DOT1L: variants seen among roughly 807,000 people sequenced by gnomAD.
DOT1L encodes histone-lysine N-methyltransferase, H3 lysine-79 specific.
DOT1L carries 33 observed loss-of-function variants against 153.3 expected under a neutral mutation model. The ratio of observed to expected loss-of-function variants is 0.22; its 90% confidence interval spans 0.16 to 0.29. DOT1L has a LOEUF of 0.29. Ranked by LOEUF, DOT1L falls within the 10% of genes least tolerant of loss-of-function variation. The pLI is 1.00. For missense variants in DOT1L, 1,847 were observed against 2,119.9 expected, an observed-to-expected ratio of 0.87 and a Z score of 2.53; for synonymous variants, 1,135 against 965.1, an observed-to-expected ratio of 1.18 and a Z score of -3.26.
intron 1 of DOT1L, among the ~76,000 whole-genome samples, chr19:2,166,207 C>T (rs1044904967): frequency 1.3e-5 from 2 of 152,038 alleles, no homozygotes; most frequent in African/African-American, 4.8e-5. Flanking sequence ...AGCGATTCTC[C>T]TGCCTCGGCC....
intron 8 of DOT1L, among the ~76,000 whole-genome samples, chr19:2,200,478 G>A (rs2023208177): frequency 1.3e-5 from 2 of 152,184 alleles, no homozygotes; most frequent in African/African-American, 4.8e-5. Context: ...TGGTGGCCAC[G>A]GGCTCTGTAT....
chr19:2,190,935 A>G lies in DOT1L; in HGVS notation c.265-77A>G. The G allele has an allele frequency of 7.3e-7, 1 of 1,376,694 alleles. No individual in the cohort carries two copies. The highest frequency in any genetic ancestry group is 1.3e-5 in the South Asian group (1 of 78,824). The allele number at this position is 1,376,694 out of a possible 1,614,324, so 85.3% of individuals were successfully genotyped here. On this transcript the variant is annotated intron_variant, in intron 4 of 27. Transcript: ENST00000398665. The surrounding 1 kb of genome is among the most constrained non-coding windows in gnomAD (Gnocchi z 4.8). The stretch of plus-strand genomic sequence containing the variant: ...AGCCGACTCCCTGCTTCCGCTGGGA[A>G]AGGTCCCGGGTCTTGGTGGTGGAGG...
intron 8 of DOT1L, 30 bp from the exon 9 acceptor site, chr19:2,202,670 A>G (rs758645330): frequency 1.9e-6 from 3 of 1,608,280 alleles, no homozygotes; most frequent in African/African-American, 2.7e-5. Flanking sequence ...ACGAGCCTTC[A>G]TGGCACTGAA....
chr19:2,186,063 G>A (rs893844576), intron 3 of DOT1L, 134 bp downstream of exon 3: 21 of 828,738 alleles, frequency 2.5e-5, no homozygotes, highest in African/African-American at 6.8e-5. Context: ...AGAGTTGGCC[G>A]TGGCCACCAT....
chr19:2,164,163 T>G lies in DOT1L; in HGVS notation c.-22T>G, dbSNP rs2144619753. 1 of 1,118,992 alleles carries G rather than the reference T, an allele frequency of 8.9e-7. No individual in the cohort carries two copies. Among genetic ancestry groups the G allele is most frequent in the Non-Finnish European group, 1.1e-6 (1 of 916,814 alleles). The allele number at this position is 1,118,992 out of a possible 1,614,324, so 69.3% of individuals were successfully genotyped here. On this transcript the variant is annotated 5_prime_UTR_variant, in exon 1 of 28. Coordinates refer to ENST00000398665, the MANE Select transcript of DOT1L (RefSeq NM_032482.3). ...TCCCCCAACCGCCCGCCTAGCATGGTGCGGCGGCCGCGCGCGCGGACATGG... is the reference window on the plus strand; with the variant it reads ...TCCCCCAACCGCCCGCCTAGCATGGGGCGGCGGCCGCGCGCGCGGACATGG...
In DOT1L at chr19:2,197,855, A is replaced by G. The variant is rs927530773; in HGVS notation, c.652-2029A>G. 6.6e-6 allele frequency among the ~76,000 whole-genome samples: 1 copy of G among 152,158 alleles called. No homozygotes were observed. Among genetic ancestry groups the G allele is most frequent in the Non-Finnish European group, 1.5e-5 (1 of 68,026 alleles). ...AACCCTGCTGCGGAGGGTGGGTCAGAGAGGCTTCCACCTGACTGTTCCCTG... is the reference window on the plus strand; with the variant it reads ...AACCCTGCTGCGGAGGGTGGGTCAGGGAGGCTTCCACCTGACTGTTCCCTG... On this transcript the variant is annotated intron_variant, in intron 7 of 27. Transcript: ENST00000398665. The surrounding 1 kb of genome is among the most constrained non-coding windows in gnomAD (Gnocchi z 4.1).
rs1002334020 is a variant in DOT1L, at chr19:2,222,696, C to G, written c.3390+137C>G. On this transcript the variant is annotated intron_variant, in intron 24 of 27. Transcript: ENST00000398665. The surrounding 1 kb of genome is among the most constrained non-coding windows in gnomAD (Gnocchi z 6.5). ...CGGGTGGATCACAAGATCAGGACAT[C>G]AAGACCATCCTGGCTAACACGGTGA... is the stretch of plus-strand genomic sequence containing the variant. 3 of 813,762 alleles carry G rather than the reference C, an allele frequency of 3.7e-6. No homozygotes were observed. Among genetic ancestry groups the G allele is most frequent in the African/African-American group, 3.5e-5 (2 of 57,676 alleles). The allele number at this position is 813,762 out of a possible 1,614,324, so 50.4% of individuals were successfully genotyped here. A position where few individuals can be genotyped will look rare whatever the true frequency, so the allele number is the denominator to read the frequency against.
intron 1 of DOT1L, among the ~76,000 whole-genome samples, chr19:2,167,734 CT>C (rs66826356): frequency 0.37 from 49,787 of 134,266 alleles, 9,059 homozygotes; most frequent in Non-Finnish European, 0.44. Context: ...CTTTTCTTTT[CT>C]TTTTTTTTTT....
intron 2 of DOT1L, 85 bp downstream of exon 2, chr19:2,180,841 G>A (rs1293615123): frequency 1.3e-6 from 2 of 1,536,682 alleles, no homozygotes; most frequent in African/African-American, 1.4e-5. Context: ...CTGTTGTGGG[G>A]ATGGCTCCTG....
chr19:2,208,923 T>C lies in DOT1L; in HGVS notation c.964-12T>C. 1 of 1,611,616 alleles carries C rather than the reference T, an allele frequency of 6.2e-7. No homozygotes were observed. Among genetic ancestry groups the C allele is most frequent in the Non-Finnish European group, 8.5e-7 (1 of 1,179,438 alleles). ...ACTCCCTTCTAATCAGGGTTCTCTT[T>C]CTTCTTTTTAGCTTGAAAACTATTT... On this transcript the variant is annotated splice_polypyrimidine_tract_variant and intron_variant, in intron 11 of 27. Coordinates refer to ENST00000398665, the MANE Select transcript of DOT1L (RefSeq NM_032482.3). The surrounding 1 kb of genome is among the most constrained non-coding windows in gnomAD (Gnocchi z 4.4).
intron 16 of DOT1L, 38 bp from the exon 17 acceptor site, chr19:2,213,501 G>C: frequency 6.9e-6 from 11 of 1,604,672 alleles, no homozygotes; most frequent in Non-Finnish European, 8.5e-6. Flanking sequence ...TCAGTCACCT[G>C]CCCTGGCCCT....
At position 2,193,738 on chromosome 19, in the gene DOT1L, T is replaced by A. The variant is rs751021624; in HGVS notation, c.543T>A (p.His181Gln). Residue 181 changes from histidine (H) to glutamine (Q), a missense_variant, in exon 6 of 28, where the codon CAT (histidine) becomes CAA (glutamine). Coordinates refer to ENST00000398665, the MANE Select transcript of DOT1L (RefSeq NM_032482.3). This position sits in a 1 kb window ranked among gnomAD's most constrained non-coding sequence, Gnocchi z 5.9. Reference sequence around the variant, plus strand: ...TTGCTGCTGCCACCAACTGCAAACATCACTATGGCGTCGAGAAAGCAGACA... The same window carrying A: ...TTGCTGCTGCCACCAACTGCAAACAACACTATGGCGTCGAGAAAGCAGACA... Reference protein sequence around the residue: ...LQVAAATNCKHHYGVEKADIP... With the variant: ...LQVAAATNCKQHYGVEKADIP... 1.9e-6 allele frequency: 3 copies of A among 1,614,140 alleles called. No individual in the cohort carries two copies. The highest frequency in any genetic ancestry group is 2.5e-6 in the Non-Finnish European group (3 of 1,179,996).
chr19:2,219,370 C>T (rs2024028181), intron 22 of DOT1L, among the ~76,000 whole-genome samples: 1 of 152,210 alleles, frequency 6.6e-6, no homozygotes, highest in African/African-American at 2.4e-5. Context: ...CGGGAAAAAG[C>T]GTTGCCCGCC....
chr19:2,214,687 G>T, intron 19 of DOT1L, 91 bp downstream of exon 19: 1 of 1,516,644 alleles, frequency 6.6e-7, no homozygotes, highest in Non-Finnish European at 8.9e-7. Context: ...GGTTGCGGTT[G>T]CAGCAGCCTA....
Position 2,191,433 on chromosome 19 carries a change from G to A in DOT1L, c.493+193G>A. ...AGCCCTGACCGGGCTCCACCCAGAG[G>A]GGAGAAATCGCAGGAACCCAGTGGC... On this transcript the variant is annotated intron_variant, in intron 5 of 27. Coordinates refer to ENST00000398665, the MANE Select transcript of DOT1L (RefSeq NM_032482.3). The surrounding 1 kb of genome is among the most constrained non-coding windows in gnomAD (Gnocchi z 6.8). The A allele has an allele frequency of 3.2e-6, 2 of 624,706 alleles. No individual in the cohort carries two copies. The highest frequency in any genetic ancestry group is 2.8e-6 in the Non-Finnish European group (1 of 359,998). The allele number at this position is 624,706 out of a possible 1,614,324, so 38.7% of individuals were successfully genotyped here. A position where few individuals can be genotyped will look rare whatever the true frequency, so the allele number is the denominator to read the frequency against.
At chr19:2,185,794 AAC>A in intron 2 of DOT1L, 59 bp from the exon 3 acceptor site, 1 of 1,576,014 alleles carries the variant, frequency 6.3e-7, no homozygotes, top group Non-Finnish European at 8.7e-7. Flanking sequence ...ACAAAAACAA[AAC>A]ACAAAACAAA....
chr19:2,226,331 C>G lies in DOT1L; in HGVS notation c.3810C>G (p.Asn1270Lys). 6.3e-7 allele frequency: 1 copy of G among 1,597,556 alleles called. No individual in the cohort carries two copies. The highest frequency in any genetic ancestry group is 8.5e-7 in the Non-Finnish European group (1 of 1,173,850). Residue 1270 changes from asparagine to lysine, a missense_variant, in exon 27 of 28, where the codon AAC becomes AAG. By Grantham distance (94) the Asn-to-Lys change is moderately conservative. Transcript: ENST00000398665. ...PLQASSALSQ[N>K]SLFTFRPALE... Reference sequence around the variant, plus strand: ...AGGCCAGCTCCGCCCTCAGCCAGAACTCCCTGTTCACGTTCCGGCCCGCCC... The same window carrying G: ...AGGCCAGCTCCGCCCTCAGCCAGAAGTCCCTGTTCACGTTCCGGCCCGCCC...
chr19:2,201,681 G>T (rs529178760), intron 8 of DOT1L, among the ~76,000 whole-genome samples: 4 of 152,228 alleles, frequency 2.6e-5, no homozygotes, highest in African/African-American at 4.8e-5. Context: ...AGGGGGACCC[G>T]CAGTGGTCAG....
At chr19:2,164,365 C>T (rs1005856873) in intron 1 of DOT1L, 100 bp downstream of exon 1, 13 of 795,320 alleles carry the variant, frequency 1.6e-5, no homozygotes, top group South Asian at 6.1e-5. Flanking sequence ...CCGGTCCCCC[C>T]TGCGGAACGG....
Sources: allele counts gnomAD v4.1 joint callset (sites outside exome capture counted in the v4.1 genomes callset), GRCh38; gene constraint gnomAD v4.1.1; non-coding constraint Gnocchi (gnomAD v3.1); transcripts MANE v1.5; gene names NCBI Gene and HGNC (gene_info 2026-07-23, HGNC 2026-07-21).